The following ROBO1 variants were observed in gnomAD, a reference collection of about 807,000 sequenced individuals.
The protein encoded by ROBO1 is roundabout homolog 1.
A neutral mutation model predicts 195.9 loss-of-function variants in ROBO1; 149 were observed. The ratio of observed to expected loss-of-function variants is 0.76; its 90% CI spans 0.67 to 0.87. The LOEUF (loss-of-function observed/expected upper bound fraction) is 0.87, where lower values mean the gene tolerates loss of function less well. Among genes scored for constraint, ROBO1 ranks in the 40% least tolerant of loss-of-function variants. ROBO1 has a pLI of 0.00. For missense variants in ROBO1, 1,933 were observed against 2,068.3 expected (o/e 0.93, Z 1.27); for synonymous variants, 816 against 733.2 (o/e 1.11, Z -1.82).
intron 1 of ROBO1, among the ~76,000 whole-genome samples, chr3:79,623,369 G>T (rs1279609943): frequency 6.6e-6 from 1 of 152,196 alleles, no homozygotes; most frequent in Non-Finnish European, 1.5e-5. Flanking sequence ...ACAGAAGTAG[G>T]CTTCAGAAGA....
At chr3:79,623,100 G>T (rs1456466993) in intron 1 of ROBO1, among the ~76,000 whole-genome samples, 1 of 151,900 alleles carries the variant, frequency 6.6e-6, no homozygotes, top group South Asian at 2.1e-4. Context: ...ACCATTGAAA[G>T]AAAAACGAAC....
chr3:78,684,385 C>T (rs1360041152), intron 10 of ROBO1, among the ~76,000 whole-genome samples: 1 of 152,030 alleles, frequency 6.6e-6, no homozygotes, highest in East Asian at 1.9e-4. Flanking sequence ...TAGTGAGAGG[C>T]TTGTTGACTA....
chr3:79,530,668 G>A (rs1049624692), intron 2 of ROBO1, among the ~76,000 whole-genome samples: 2 of 151,540 alleles, frequency 1.3e-5, no homozygotes, highest in East Asian at 3.9e-4. Flanking sequence ...TCGCTTCCTA[G>A]CTGACTTGGC....
At chr3:78,740,472 T>C (rs1173205035) in intron 5 of ROBO1, among the ~76,000 whole-genome samples, 3 of 151,034 alleles carry the variant, frequency 2.0e-5, no homozygotes, top group Non-Finnish European at 4.4e-5. Context: ...CTTTCTTTCT[T>C]TCTTTCTTTT....
intron 2 of ROBO1, among the ~76,000 whole-genome samples, chr3:79,219,687 C>G (rs573408401): frequency 6.6e-6 from 1 of 152,118 alleles, no homozygotes; most frequent in South Asian, 2.1e-4. Context: ...GCATGATGAT[C>G]TGCCCTTGCT....
At chr3:79,220,699 A>C (rs2108824583) in intron 2 of ROBO1, among the ~76,000 whole-genome samples, 1 of 152,162 alleles carries the variant, frequency 6.6e-6, no homozygotes, top group South Asian at 2.1e-4. Flanking sequence ...GAGGAAAAAG[A>C]GAAAGAATCC....
At chr3:79,742,912 G>A (rs1016732094) in intron 1 of ROBO1, among the ~76,000 whole-genome samples, 1 of 152,190 alleles carries the variant, frequency 6.6e-6, no homozygotes, top group Non-Finnish European at 1.5e-5. Context: ...GAATGTGAAA[G>A]GTGACCAAGT....
intron 3 of ROBO1, among the ~76,000 whole-genome samples, chr3:78,963,090 G>GATATATATATATATAT (rs71127370): frequency 1.4e-5 from 2 of 145,666 alleles, no homozygotes; most frequent in Non-Finnish European, 3.0e-5. Flanking sequence ...TCTCATACTT[G>GATATATATATATATAT]ATATATATAT....
At chr3:79,089,511 A>G (rs1198487100) in intron 3 of ROBO1, among the ~76,000 whole-genome samples, 1 of 152,174 alleles carries the variant, frequency 6.6e-6, no homozygotes, top group Non-Finnish European at 1.5e-5. Flanking sequence ...ACAATATTGT[A>G]CATTTGTTCA....
intron 2 of ROBO1, among the ~76,000 whole-genome samples, chr3:79,540,307 G>T (rs1942016393): frequency 6.6e-6 from 1 of 151,992 alleles, no homozygotes; most frequent in African/African-American, 2.4e-5. Flanking sequence ...GAGTTCAAAA[G>T]GTTGTCCAAA....
intron 2 of ROBO1, among the ~76,000 whole-genome samples, chr3:79,395,340 A>AAAAAAAAAAAAAG (rs71631648): frequency 8.4e-5 from 10 of 119,060 alleles, no homozygotes; most frequent in Admixed American, 2.0e-4. Flanking sequence ...AAAAAAAAAA[A>AAAAAAAAAAAAAG]AAAGAAAGAA....
intron 2 of ROBO1, among the ~76,000 whole-genome samples, chr3:79,541,209 C>T (rs1399136077): frequency 3.9e-5 from 6 of 152,052 alleles, no homozygotes; most frequent in Non-Finnish European, 8.8e-5. Context: ...AAAACAATCA[C>T]GTTAATCCAC....
At chr3:79,205,448 T>C (rs1235728038) in intron 2 of ROBO1, among the ~76,000 whole-genome samples, 1 of 152,182 alleles carries the variant, frequency 6.6e-6, no homozygotes, top group African/African-American at 2.4e-5. Flanking sequence ...TTATCTACCT[T>C]TTCTCCATGC....
At chr3:79,106,341 A>G (rs1341739709) in intron 3 of ROBO1, among the ~76,000 whole-genome samples, 2 of 151,652 alleles carry the variant, frequency 1.3e-5, no homozygotes, top group Non-Finnish European at 3.0e-5. Context: ...TTATTGTGAT[A>G]TCACATTCTC....
intron 1 of ROBO1, among the ~76,000 whole-genome samples, chr3:79,713,198 AAGG>A (rs1234432933): frequency 6.6e-6 from 1 of 152,046 alleles, no homozygotes; most frequent in African/African-American, 2.4e-5. Context: ...GGAAATGTAC[AAGG>A]AGATTAATGT....
intron 2 of ROBO1, among the ~76,000 whole-genome samples, chr3:79,257,104 A>G (rs1287758933): frequency 6.6e-6 from 1 of 152,180 alleles, no homozygotes; most frequent in East Asian, 1.9e-4. Flanking sequence ...TCCAGAAAGT[A>G]AGTTTGAAAT....
At position 79,099,655 on chromosome 3, in the gene ROBO1, A is replaced by G. The variant is rs772173507; in HGVS notation, c.172+25801T>C. 2.6e-5 allele frequency among the ~76,000 whole-genome samples: 4 copies of G among 151,880 alleles called. No individual in the cohort carries two copies. The East Asian group carries it at 7.7e-4, about 29-fold the overall frequency. On this transcript the variant is annotated intron_variant, in intron 3 of 30. Transcript: ENST00000464233. ...CTTTGAAAAATATAGATATATTTCC[A>G]TCATTTAAAAATAAGAATTCACAAT...
chr3:79,274,993 C>T (rs186287804), intron 2 of ROBO1, among the ~76,000 whole-genome samples: 1 of 151,936 alleles, frequency 6.6e-6, no homozygotes, highest in Non-Finnish European at 1.5e-5. Context: ...CTATAATAAG[C>T]ACTCTCTCAG....
rs1041275239 is a variant in ROBO1 at position 79,079,077 on chromosome 3, C to T, written c.172+46379G>A. ...ATATAAGTTGGAGACTATGTACACACGAAACTAATATTTAGTAGAGAAATT... is the reference window on the plus strand; with the variant it reads ...ATATAAGTTGGAGACTATGTACACATGAAACTAATATTTAGTAGAGAAATT... On this transcript the variant is annotated intron_variant, in intron 3 of 30. Coordinates refer to ENST00000464233, the MANE Select transcript of ROBO1 (RefSeq NM_002941.4). 5.3e-5 allele frequency among the ~76,000 whole-genome samples: 8 copies of T among 151,518 alleles called. No individual in the cohort carries two copies. The East Asian group carries it at 1.2e-3, about 22-fold the overall frequency.
Sources: allele counts gnomAD v4.1 joint callset (sites outside exome capture counted in the v4.1 genomes callset), GRCh38; gene constraint gnomAD v4.1.1; transcripts MANE v1.5; gene names NCBI Gene and HGNC (gene_info 2026-07-23, HGNC 2026-07-21).